DNAH3: variants seen among roughly 807,000 people sequenced by gnomAD.
The protein encoded by DNAH3 is axonemal beta dynein heavy chain 3.
Under a neutral mutation model 432.5 loss-of-function variants are expected in DNAH3, and 332 were observed. That is an observed-to-expected ratio of 0.77 (90% CI 0.70 to 0.84). The LOEUF (loss-of-function observed/expected upper bound fraction) is 0.84, where lower values mean the gene tolerates loss of function less well. Among genes scored for constraint, DNAH3 ranks in the 40% least tolerant of loss-of-function variants. The pLI is 0.00. For synonymous variants in DNAH3, 1,956 were observed against 1,900.2 expected, an observed-to-expected ratio of 1.03 and a Z score of -0.76; for missense variants, 4,861 against 5,114.0, an observed-to-expected ratio of 0.95 and a Z score of 1.51.
At chr16:21,091,589 AG>A (rs1285348571) in intron 18 of DNAH3, among the ~76,000 whole-genome samples, 1 of 152,106 alleles carries the variant, frequency 6.6e-6, no homozygotes, top group African/African-American at 2.4e-5. Flanking sequence ...AGGCCAAGGC[AG>A]GTGGATCACG....
In DNAH3 at chr16:20,987,806, C is replaced by T. The variant is rs1312817019; in HGVS notation, c.6769G>A (p.Asp2257Asn). ...GTTGGCAAGAAGTTCTCCACTGCAT[C>T]TCTATAAATTGTCTTAGTAGCTTGG... The change falls in exon 46 of 62, where the codon GAT becomes AAT. Residue 2257 changes from aspartate to asparagine, a missense_variant. Coordinates refer to ENST00000261383, the Ensembl canonical transcript of DNAH3. The T allele has an allele frequency of 2.5e-6, 4 of 1,613,960 alleles. No homozygotes were observed. In the African/African-American group the frequency reaches 5.3e-5, roughly 22 times the overall value.
chr16:20,952,654 T>C, intron 55 of DNAH3, 105 bp from the exon 56 acceptor site: 1 of 741,838 alleles, frequency 1.3e-6, no homozygotes. Context: ...AAAAGCCTCT[T>C]TCAGGCTCAT....
intron 35 of DNAH3, among the ~76,000 whole-genome samples, chr16:21,035,138 C>T (rs908954188): frequency 2.6e-5 from 4 of 152,062 alleles, no homozygotes; most frequent in African/African-American, 9.7e-5. Flanking sequence ...ACCAGCCTGG[C>T]CAACATGGTG....
intron 10 of DNAH3, among the ~76,000 whole-genome samples, chr16:21,121,669 T>A (rs1354591277): frequency 6.6e-6 from 1 of 150,684 alleles, no homozygotes; most frequent in Admixed American, 6.7e-5. Flanking sequence ...TGACGCCATC[T>A]CAGCTCACTG....
rs1296935036 is a variant in DNAH3 at position 21,147,940 on chromosome 16, G to C, written c.118-1852C>G. 2.0e-5 allele frequency among the ~76,000 whole-genome samples: 3 copies of C among 152,326 alleles called. 1 individual carries two copies. Among genetic ancestry groups the C allele is most frequent in the Non-Finnish European group, 4.4e-5 (3 of 68,036 alleles). On this transcript the variant is annotated intron_variant, in intron 1 of 61. Coordinates refer to ENST00000261383, the Ensembl canonical transcript of DNAH3. ...GCTGTTGGCCTGGACTTATTGAGAG[G>C]TGCTGCCGTTCAGCACTTTAAAGGT...
intron 41 of DNAH3, among the ~76,000 whole-genome samples, chr16:21,016,994 T>C (rs933722472): frequency 2.0e-5 from 3 of 151,780 alleles, no homozygotes; most frequent in Non-Finnish European, 4.4e-5. Flanking sequence ...ATTTCCAGGG[T>C]AGGGGTGGAG....
rs139500352 is a variant in DNAH3 at position 20,985,265 on chromosome 16, C to T, written c.7477G>A (p.Asp2493Asn). 435 of 1,614,006 alleles carry T rather than the reference C, an allele frequency of 2.7e-4. No individual in the cohort carries two copies. Among genetic ancestry groups the T allele is most frequent in the Non-Finnish European group, 3.5e-4 (418 of 1,180,024 alleles). The change falls in exon 48 of 62, where the codon GAC becomes AAC. Residue 2493 changes from aspartate to asparagine, a missense_variant. Coordinates refer to ENST00000261383, the Ensembl canonical transcript of DNAH3. ...AATGATTCATCCTTGATCTGGTTGT[C>T]GGCGAAGAGGAACACGGTGCTCTTG...
chr16:21,029,459 A>AACT (rs1277062837), intron 37 of DNAH3, among the ~76,000 whole-genome samples: 1 of 152,224 alleles, frequency 6.6e-6, no homozygotes, highest in Admixed American at 6.5e-5. Context: ...GAAGAGGTGT[A>AACT]TAAATAGTAA....
At position 21,126,705 on chromosome 16, in the gene DNAH3, C is replaced by T. The variant is rs561910889; in HGVS notation, c.1208+982G>A. ...CAGCAGGAGGTGAGCAGCAGGTGGG[C>T]GAGCCAGCTTCATCTGTATTTACAG... On this transcript the variant is annotated intron_variant, in intron 8 of 61. Coordinates refer to ENST00000261383, the Ensembl canonical transcript of DNAH3. Among the ~76,000 whole-genome samples, 17 of 152,238 alleles carry T rather than the reference C, an allele frequency of 1.1e-4. No homozygotes were observed. In the South Asian group the frequency reaches 2.9e-3, roughly 26 times the overall value.
chr16:20,966,182 C>G (rs1487694412), intron 52 of DNAH3, among the ~76,000 whole-genome samples: 1 of 150,940 alleles, frequency 6.6e-6, no homozygotes, highest in East Asian at 1.9e-4. Context: ...GGATTACAGG[C>G]ACCCACCACC....
intron 59 of DNAH3, among the ~76,000 whole-genome samples, chr16:20,937,456 A>G (rs1219153026): frequency 6.6e-6 from 1 of 151,840 alleles, no homozygotes; most frequent in Non-Finnish European, 1.5e-5. Context: ...ATTTTAAATT[A>G]TTATTAAAAA....
At chr16:20,934,576 G>T (rs188163564) in intron 61 of DNAH3, among the ~76,000 whole-genome samples, 5 of 152,268 alleles carry the variant, frequency 3.3e-5, no homozygotes, top group Admixed American at 2.6e-4. Context: ...TGGAATGGGT[G>T]TATGGGTACT....
chr16:21,031,717 C>A (rs2088884816), intron 36 of DNAH3, among the ~76,000 whole-genome samples: 1 of 152,118 alleles, frequency 6.6e-6, no homozygotes, highest in African/African-American at 2.4e-5. Flanking sequence ...TCAAATAGGG[C>A]AAATGTGCCA....
chr16:21,094,381 A>G (rs577148358), intron 18 of DNAH3, among the ~76,000 whole-genome samples: 1 of 152,272 alleles, frequency 6.6e-6, no homozygotes, highest in African/African-American at 2.4e-5. Context: ...CTAAAATAAA[A>G]AAATACAGGC....
intron 51 of DNAH3, among the ~76,000 whole-genome samples, chr16:20,974,232 AGGCTGGTCTTGAACTT>A (rs906438335): frequency 4.6e-5 from 7 of 152,104 alleles, no homozygotes; most frequent in African/African-American, 7.2e-5. Flanking sequence ...CATGTTGCCC[AGGCTGGTCTTGAACTT>A]GGCTGGTCTT....
intron 52 of DNAH3, among the ~76,000 whole-genome samples, chr16:20,966,101 G>A (rs924897731): frequency 8.1e-6 from 1 of 123,086 alleles, no homozygotes; most frequent in Non-Finnish European, 1.6e-5. Flanking sequence ...GCAATGGTGC[G>A]ACCTTGGCTC....
chr16:21,051,569 A>G (rs954837909), intron 29 of DNAH3, 101 bp downstream of exon 29: 2 of 1,170,036 alleles, frequency 1.7e-6, no homozygotes, highest in Non-Finnish European at 2.5e-6. Context: ...TGAAGTGTGA[A>G]GGGTAAAGGT....
chr16:20,935,641 A>C (rs2083558936), intron 60 of DNAH3, among the ~76,000 whole-genome samples, 156 bp from the exon 61 acceptor site: 1 of 152,148 alleles, frequency 6.6e-6, no homozygotes, highest in Non-Finnish European at 1.5e-5. Context: ...TTTTGAAATA[A>C]GGGTACAAAG....
At chr16:21,010,038 T>C (rs748637194) in intron 41 of DNAH3, among the ~76,000 whole-genome samples, 1 of 152,162 alleles carries the variant, frequency 6.6e-6, no homozygotes, top group Non-Finnish European at 1.5e-5. Flanking sequence ...TGGCTAAGGT[T>C]ACCATTTACA....
Sources: allele counts gnomAD v4.1 joint callset (sites outside exome capture counted in the v4.1 genomes callset), GRCh38; gene constraint gnomAD v4.1.1; transcripts MANE v1.5; gene names NCBI Gene and HGNC (gene_info 2026-07-23, HGNC 2026-07-21).